Variants in ABI2 observed in about 807,000 individuals in gnomAD.
ABI2 encodes abelson interactor 2.
ABI2 carries 25 observed loss-of-function variants against 59.2 expected under a neutral mutation model. The observed-to-expected ratio is 0.42, with a 90% confidence interval of 0.31 to 0.59. ABI2 has a LOEUF of 0.59. ABI2 is among the 20% of genes least tolerant of loss of function. ABI2 has a pLI of 0.14. For missense variants in ABI2, 545 were observed against 681.8 expected (o/e 0.80, Z 2.23); for synonymous variants, 213 against 235.5 (o/e 0.90, Z 0.87).
chr2:203,382,154 C>T (rs1370998328), intron 3 of ABI2, 35 bp from the exon 4 acceptor site: 6 of 1,507,348 alleles, frequency 4.0e-6, no homozygotes, highest in Admixed American at 2.2e-5. Context: ...GCTTTTTTTC[C>T]TTACCTCTTT....
At chr2:203,425,574 A>G (rs2098404194) in intron 11 of ABI2, among the ~76,000 whole-genome samples, 1 of 152,246 alleles carries the variant, frequency 6.6e-6, no homozygotes, top group Admixed American at 6.5e-5. Context: ...TAGGTTGACT[A>G]GAAATGCTAA....
intron 10 of ABI2, 147 bp from the exon 11 acceptor site, chr2:203,416,761 A>G (rs1159627753): frequency 4.9e-6 from 4 of 814,474 alleles, no homozygotes; most frequent in Non-Finnish European, 7.2e-6. Context: ...AGTTGGTGGG[A>G]AGACTTATCT....
At chr2:203,395,448 T>TATATTTATATATATAC (rs750379504) in intron 6 of ABI2, among the ~76,000 whole-genome samples, 1 of 115,328 alleles carries the variant, frequency 8.7e-6, no homozygotes, top group Non-Finnish European at 1.8e-5. Context: ...TATATATATA[T>TATATTTATATATATAC]ACACACACAC....
intron 9 of ABI2, among the ~76,000 whole-genome samples, chr2:203,407,691 T>G (rs937123083): frequency 2.6e-5 from 4 of 152,186 alleles, no homozygotes; most frequent in Non-Finnish European, 5.9e-5. Context: ...CAATCTAAGT[T>G]TGGAGATCTT....
At chr2:203,379,282 C>CT (rs2095936646) in intron 2 of ABI2, among the ~76,000 whole-genome samples, 1 of 152,192 alleles carries the variant, frequency 6.6e-6, no homozygotes, top group Admixed American at 6.5e-5. Context: ...GGGTCTTGCT[C>CT]TGTCACCCAG....
chr2:203,422,193 G>A (rs932620384), intron 11 of ABI2, among the ~76,000 whole-genome samples: 14 of 152,238 alleles, frequency 9.2e-5, no homozygotes, highest in African/African-American at 2.6e-4. Context: ...AGCTACTCTG[G>A]AGGCTGAGGT....
At chr2:203,356,997 CTA>C (rs2092271443) in intron 1 of ABI2, among the ~76,000 whole-genome samples, 1 of 151,608 alleles carries the variant, frequency 6.6e-6, no homozygotes, top group Admixed American at 6.6e-5. Flanking sequence ...AAAAAGAAAA[CTA>C]AAAAACGATT....
intron 6 of ABI2, 92 bp downstream of exon 6, chr2:203,394,938 A>G: frequency 4.2e-6 from 6 of 1,419,888 alleles, no homozygotes; most frequent in Non-Finnish European, 4.9e-6. Context: ...TCCAAGCACT[A>G]AGTTCTTTTC....
chr2:203,415,839 G>A, intron 10 of ABI2, among the ~76,000 whole-genome samples: 1 of 152,118 alleles, frequency 6.6e-6, no homozygotes, highest in Non-Finnish European at 1.5e-5. Flanking sequence ...CATTTTGAAA[G>A]CTTAAGGTAG....
intron 1 of ABI2, chr2:203,355,073 G>A (rs2091192504): frequency 1.1e-5 from 3 of 267,698 alleles, no homozygotes; most frequent in East Asian, 9.4e-5. Flanking sequence ...CATCTCAGAA[G>A]TTTCCTTTGC....
intron 11 of ABI2, 121 bp from the exon 12 acceptor site, chr2:203,427,056 A>T: frequency 1.3e-6 from 1 of 793,238 alleles, no homozygotes; most frequent in Non-Finnish European, 2.0e-6. Context: ...GTTGGTGTTT[A>T]GAAAGTCACC....
At chr2:203,411,430 A>G (rs1298052919) in intron 10 of ABI2, 59 bp downstream of exon 10, 1 of 1,324,276 alleles carries the variant, frequency 7.6e-7, no homozygotes, top group African/African-American at 1.5e-5. Flanking sequence ...TGTCATTTAT[A>G]TGTGATTGAC....
At chr2:203,404,379 TC>T (rs2153460152) in intron 9 of ABI2, among the ~76,000 whole-genome samples, 1 of 152,358 alleles carries the variant, frequency 6.6e-6, no homozygotes, top group African/African-American at 2.4e-5. Flanking sequence ...GATATATACT[TC>T]CCTTCTATCT....
intron 8 of ABI2, 42 bp downstream of exon 8, chr2:203,397,009 T>C (rs2097025482): frequency 1.5e-6 from 2 of 1,344,982 alleles, no homozygotes; most frequent in South Asian, 2.0e-5. Context: ...TGCAGTCATC[T>C]GGCTATTCTC....
At chr2:203,401,912 G>A (rs909991915) in intron 8 of ABI2, among the ~76,000 whole-genome samples, 7 of 151,972 alleles carry the variant, frequency 4.6e-5, no homozygotes, top group Admixed American at 1.3e-4. Context: ...CATTCTTGTC[G>A]ATTTTAGTTT....
intron 11 of ABI2, among the ~76,000 whole-genome samples, chr2:203,421,889 A>G (rs1370752648): frequency 1.3e-5 from 2 of 150,046 alleles, no homozygotes; most frequent in Non-Finnish European, 3.0e-5. Context: ...ACTTGAACCC[A>G]GGAGGTGGAG....
chr2:203,375,949 C>T (rs2095650694), intron 2 of ABI2: 1 of 788,104 alleles, frequency 1.3e-6, no homozygotes. Flanking sequence ...TGCAGTTCAA[C>T]CCCGTGTGGT....
At chr2:203,407,600 T>C (rs988493121) in intron 9 of ABI2, among the ~76,000 whole-genome samples, 1 of 152,226 alleles carries the variant, frequency 6.6e-6, no homozygotes, top group Non-Finnish European at 1.5e-5. Flanking sequence ...CAGCACAGAT[T>C]CATCATTTAG....
intron 1 of ABI2, among the ~76,000 whole-genome samples, chr2:203,350,886 G>A (rs1259769875): frequency 1.8e-5 from 2 of 112,592 alleles, no homozygotes; most frequent in Non-Finnish European, 4.1e-5. Context: ...GTGTGTGTGT[G>A]TGTGTGCGCG....
Sources: gnomAD v4.1 joint callset for allele counts (sites outside exome capture counted in the v4.1 genomes callset) on GRCh38, gnomAD v4.1.1 for gene constraint, MANE v1.5 for transcripts, NCBI Gene and HGNC (gene_info 2026-07-23, HGNC 2026-07-21) for gene names.